RBFOX2: variants seen among roughly 807,000 people sequenced by gnomAD.
The protein encoded by RBFOX2 is RNA binding fox-1 homolog 2, also known as RNA binding protein fox-1 homolog 2.
A neutral mutation model predicts 49.1 loss-of-function variants in RBFOX2; 10 were observed. The ratio of observed to expected loss-of-function variants is 0.20; its 90% CI spans 0.13 to 0.35. The LOEUF is 0.35. RBFOX2 is among the 10% of genes least tolerant of loss of function. The probability of loss-of-function intolerance (pLI) is 1.00; values close to 1 mark genes in which losing one functional copy is unlikely to be tolerated. For missense variants in RBFOX2, 323 were observed against 486.9 expected, an observed-to-expected ratio of 0.66 and a Z score of 3.17; for synonymous variants, 183 against 187.4, an observed-to-expected ratio of 0.98 and a Z score of 0.19.
At chr22:35,794,985 C>T (rs1948500031) in intron 2 of RBFOX2, among the ~76,000 whole-genome samples, 1 of 152,112 alleles carries the variant, frequency 6.6e-6, no homozygotes, top group Non-Finnish European at 1.5e-5. Context: ...GAAAGGATGT[C>T]TTGAGTCTTA....
chr22:35,879,116 A>C (rs1256039259), intron 1 of RBFOX2, among the ~76,000 whole-genome samples: 1 of 152,230 alleles, frequency 6.6e-6, no homozygotes, highest in African/African-American at 2.4e-5. Flanking sequence ...ATTGAATAGG[A>C]AACATTTGAG....
chr22:36,018,464 C>G (rs1222997053), intron 1 of RBFOX2, among the ~76,000 whole-genome samples: 3 of 152,282 alleles, frequency 2.0e-5, no homozygotes, highest in African/African-American at 7.2e-5. Context: ...GCTAAGAAAA[C>G]TATAAGCCAC....
At chr22:35,832,051 C>A (rs1755954397) in intron 1 of RBFOX2, among the ~76,000 whole-genome samples, 1 of 152,184 alleles carries the variant, frequency 6.6e-6, no homozygotes, top group Non-Finnish European at 1.5e-5. Context: ...TTGCCAACAA[C>A]ACTACATGTT....
At chr22:35,932,191 A>G (rs1291775520) in intron 1 of RBFOX2, among the ~76,000 whole-genome samples, 1 of 152,190 alleles carries the variant, frequency 6.6e-6, no homozygotes, top group Non-Finnish European at 1.5e-5. Context: ...CAATCAAGCC[A>G]AATGAGCACT....
intron 1 of RBFOX2, among the ~76,000 whole-genome samples, chr22:35,864,800 C>T (rs2043484218): frequency 6.6e-6 from 1 of 152,146 alleles, no homozygotes; most frequent in Admixed American, 6.5e-5. Flanking sequence ...ACTTTTTGTT[C>T]CACTATTAGA....
upstream of RBFOX2, among the ~76,000 whole-genome samples, chr22:35,965,107 C>A (rs2056481918): frequency 6.6e-6 from 1 of 152,132 alleles, no homozygotes; most frequent in South Asian, 2.1e-4. Context: ...ATGGTGACAG[C>A]ACACAGAAGG....
chr22:35,797,425 G>A (rs1226850048), intron 2 of RBFOX2, among the ~76,000 whole-genome samples: 1 of 152,138 alleles, frequency 6.6e-6, no homozygotes, highest in Non-Finnish European at 1.5e-5. Context: ...TAACACAAGT[G>A]CTTTATGAAT....
intron 1 of RBFOX2, among the ~76,000 whole-genome samples, chr22:35,921,014 TA>T (rs893950911): frequency 1.2e-4 from 19 of 152,212 alleles, no homozygotes; most frequent in African/African-American, 4.3e-4. Context: ...ACTTTTGTTT[TA>T]AAAAAATATT....
chr22:35,880,429 G>A (rs2045733493), intron 1 of RBFOX2, among the ~76,000 whole-genome samples: 1 of 152,164 alleles, frequency 6.6e-6, no homozygotes, highest in Non-Finnish European at 1.5e-5. Flanking sequence ...ATTACAGATG[G>A]AAATGTCAAG....
At chr22:35,851,920 C>A (rs1326471781) in intron 1 of RBFOX2, among the ~76,000 whole-genome samples, 2 of 151,814 alleles carry the variant, frequency 1.3e-5, no homozygotes, top group African/African-American at 4.8e-5. Flanking sequence ...CAATTCTTAA[C>A]AGAGATTATC....
At chr22:35,962,567 C>T (rs936373140), upstream of RBFOX2, among the ~76,000 whole-genome samples, 1 of 152,112 alleles carries the variant, frequency 6.6e-6, no homozygotes, top group Non-Finnish European at 1.5e-5. Context: ...AGAAAATTAT[C>T]CTTTCATAAT....
At chr22:35,982,939 C>T (rs948669810) in intron 1 of RBFOX2, among the ~76,000 whole-genome samples, 1 of 152,128 alleles carries the variant, frequency 6.6e-6, no homozygotes, top group Non-Finnish European at 1.5e-5. Flanking sequence ...CAGGACTCCT[C>T]TTTCTTTGAC....
At chr22:36,005,662 C>T (rs899742508) in intron 1 of RBFOX2, among the ~76,000 whole-genome samples, 2 of 152,176 alleles carry the variant, frequency 1.3e-5, no homozygotes, top group Non-Finnish European at 2.9e-5. Context: ...AAGAGATAGG[C>T]AGCACATGTG....
chr22:35,754,035 G>A (rs1442668939), intron 9 of RBFOX2, among the ~76,000 whole-genome samples: 2 of 151,228 alleles, frequency 1.3e-5, no homozygotes, highest in African/African-American at 2.4e-5. Flanking sequence ...CCCCTGCCTC[G>A]GCCTCCCAAA....
intron 1 of RBFOX2, among the ~76,000 whole-genome samples, chr22:35,829,979 T>C (rs1403630646): frequency 2.6e-5 from 4 of 152,186 alleles, no homozygotes; most frequent in Non-Finnish European, 5.9e-5. Flanking sequence ...GTCCCTCAAA[T>C]AGTTGTTTAT....
In RBFOX2 at chr22:35,759,899, G is replaced by C; in HGVS notation, c.876C>G (p.Pro292=). The change falls in exon 9 of 12, where the codon CCC becomes CCG. Residue 292 remains proline (P), a synonymous_variant. Coordinates refer to ENST00000405409, the Ensembl canonical transcript of RBFOX2. The surrounding 1 kb of genome is among the most constrained non-coding windows in gnomAD (Gnocchi z 4.6). ...AATCTAACGCTTACCCTGGATAGGC[G>C]GGGATGGCTGTTGGAGGTACCGCTC... is the stretch of plus-strand genomic sequence containing the variant. The C allele has an allele frequency of 6.2e-7, 1 of 1,613,644 alleles. No homozygotes were observed. The highest frequency in any genetic ancestry group is 8.5e-7 in the Non-Finnish European group (1 of 1,179,976).
chr22:35,821,619 A>G (rs1245093370), intron 1 of RBFOX2, among the ~76,000 whole-genome samples: 1 of 145,138 alleles, frequency 6.9e-6, no homozygotes, highest in Admixed American at 6.7e-5. Context: ...AAAAAAAAAA[A>G]AAAAAAAAAA....
chr22:35,843,448 A>ATT, upstream of RBFOX2, among the ~76,000 whole-genome samples: 1 of 1,446 alleles, frequency 6.9e-4, no homozygotes, highest in Non-Finnish European at 1.0e-3. Flanking sequence ...CAACTCTTTG[A>ATT]GTGTTTCATC....
In RBFOX2 at chr22:35,764,441, A is replaced by G. The variant is rs376551855; in HGVS notation, c.607+982T>C. Among the ~76,000 whole-genome samples, 929 of 152,018 alleles carry G rather than the reference A, an allele frequency of 6.1e-3. 4 individuals carry two copies. Among genetic ancestry groups the G allele is most frequent in the Middle Eastern group, 0.01 (3 of 292 alleles). On this transcript the variant is annotated intron_variant, in intron 6 of 11. Coordinates refer to ENST00000405409, the Ensembl canonical transcript of RBFOX2. Reference sequence around the variant, plus strand: ...CTACTAAAAATACAAAAAATTAGCCAGGTGTGGTGGCGGGCGCCTGTAGTC... The same window carrying G: ...CTACTAAAAATACAAAAAATTAGCCGGGTGTGGTGGCGGGCGCCTGTAGTC...
Sources: gnomAD v4.1 joint callset for allele counts (sites outside exome capture counted in the v4.1 genomes callset) on GRCh38, gnomAD v4.1.1 for gene constraint, Gnocchi (gnomAD v3.1) non-coding constraint, MANE v1.5 for transcripts, NCBI Gene and HGNC (gene_info 2026-07-23, HGNC 2026-07-21) for gene names.